TRPM3: variants seen among roughly 807,000 people sequenced by gnomAD.
TRPM3 encodes long transient receptor potential channel 3.
A neutral mutation model predicts 181.2 loss-of-function variants in TRPM3; 77 were observed. The ratio of observed to expected loss-of-function variants is 0.42; its 90% CI spans 0.35 to 0.51. The LOEUF (loss-of-function observed/expected upper bound fraction) is 0.51, where lower values mean the gene tolerates loss of function less well. Among genes scored for constraint, TRPM3 ranks in the 20% least tolerant of loss-of-function variants. TRPM3 has a pLI of 0.01. For missense variants in TRPM3, 1,759 were observed against 2,196.7 expected (o/e 0.80, Z 3.98); for synonymous variants, 745 against 796.4 (o/e 0.94, Z 1.09).
chr9:71,410,382 G>T (rs1024800952), intron 1 of TRPM3, among the ~76,000 whole-genome samples: 10 of 152,012 alleles, frequency 6.6e-5, no homozygotes, highest in African/African-American at 2.2e-4. Flanking sequence ...AAGAAGTAAA[G>T]AAAGAAGAAT....
At chr9:71,299,346 T>C (rs537165964) in intron 1 of TRPM3, among the ~76,000 whole-genome samples, 1 of 152,308 alleles carries the variant, frequency 6.6e-6, no homozygotes, top group Admixed American at 6.5e-5. Flanking sequence ...AGTGTTGTGG[T>C]AAATGCTAGT....
chr9:71,156,106 C>T (rs2075986850), intron 1 of TRPM3, among the ~76,000 whole-genome samples: 1 of 151,962 alleles, frequency 6.6e-6, no homozygotes, highest in Admixed American at 6.6e-5. Context: ...TATAAATTGC[C>T]ATATTCTAGC....
chr9:70,945,737 G>A (rs962011250), intron 1 of TRPM3, among the ~76,000 whole-genome samples: 2 of 152,146 alleles, frequency 1.3e-5, no homozygotes, highest in African/African-American at 4.8e-5. Flanking sequence ...ATGAGTTCTT[G>A]TCAGTTAGCA....
At chr9:71,088,666 C>G (rs964765734) in intron 1 of TRPM3, among the ~76,000 whole-genome samples, 1 of 151,956 alleles carries the variant, frequency 6.6e-6, no homozygotes, top group East Asian at 1.9e-4. Context: ...ATTTCAAAAG[C>G]GTAATGAGGT....
In TRPM3 at chr9:71,305,450, T is replaced by C. The variant is rs2087197295; in HGVS notation, c.183+141203A>G. On this transcript the variant is annotated intron_variant, in intron 1 of 24. Coordinates refer to the TRPM3 transcript ENST00000357533. ...ACCTAATTTGTGTCAAGCTTGCTGA[T>C]GGCAGCTGCTGTTGGTACTTTTCTC... Among the ~76,000 whole-genome samples, 3 of 152,260 alleles carry C rather than the reference T, an allele frequency of 2.0e-5. No individual in the cohort carries two copies. In the South Asian group the frequency reaches 6.2e-4, roughly 32 times the overall value.
At chr9:70,848,583 G>A (rs951442909) in intron 3 of TRPM3, among the ~76,000 whole-genome samples, 2 of 152,094 alleles carry the variant, frequency 1.3e-5, no homozygotes, top group East Asian at 3.9e-4. Flanking sequence ...GAAGTGGCTG[G>A]AAATAAAGAC....
rs2065427423 is a variant in TRPM3, at chr9:70,681,487, T to A, written c.1345+19A>T. The A allele has an allele frequency of 6.2e-7, 1 of 1,609,630 alleles. No homozygotes were observed. The highest frequency in any genetic ancestry group is 8.5e-7 in the Non-Finnish European group (1 of 1,176,134). On this transcript the variant is annotated intron_variant, in intron 9 of 25. Transcript: ENST00000677713. ...TCGTTTAAATTATTTTCACACTCTC[T>A]GGACACAGACTCTTTTACCTTTGAG...
chr9:70,659,094 G>A (rs577788020), intron 9 of TRPM3, among the ~76,000 whole-genome samples: 57 of 152,136 alleles, frequency 3.7e-4, no homozygotes, highest in African/African-American at 1.3e-3. Context: ...TTAACTTATG[G>A]CAATACAGGT....
chr9:70,565,798 C>G (rs2050434329), intron 22 of TRPM3, among the ~76,000 whole-genome samples: 1 of 152,166 alleles, frequency 6.6e-6, no homozygotes, highest in East Asian at 1.9e-4. Flanking sequence ...TGGGTAGGTT[C>G]AGATTGAGAC....
chr9:70,917,273 T>G (rs1436328019), intron 1 of TRPM3: 3 of 1,469,512 alleles, frequency 2.0e-6, no homozygotes, highest in South Asian at 2.3e-5. Flanking sequence ...CAATTCAGCA[T>G]AGTCAATTAG....
chr9:70,889,257 C>T (rs1022599826), intron 1 of TRPM3, among the ~76,000 whole-genome samples: 1 of 152,208 alleles, frequency 6.6e-6, no homozygotes, highest in Admixed American at 6.5e-5. Flanking sequence ...CTCCTCTCCA[C>T]ATAGCCAGGA....
At chr9:71,298,680 C>T (rs188306899) in intron 1 of TRPM3, among the ~76,000 whole-genome samples, 142 of 152,188 alleles carry the variant, frequency 9.3e-4, no homozygotes, top group Non-Finnish European at 1.8e-3. Context: ...GAGCAAACTG[C>T]AGGTAGCAAC....
intron 1 of TRPM3, among the ~76,000 whole-genome samples, chr9:70,982,435 G>T (rs1363732829): frequency 6.6e-6 from 1 of 152,046 alleles, no homozygotes; most frequent in East Asian, 1.9e-4. Flanking sequence ...CTTCTCTCCT[G>T]GTAGATTAAA....
At chr9:71,354,525 TAA>T (rs1266460750) in intron 1 of TRPM3, among the ~76,000 whole-genome samples, 2 of 152,248 alleles carry the variant, frequency 1.3e-5, no homozygotes, top group Admixed American at 6.5e-5. Flanking sequence ...GACAGAATTT[TAA>T]AAGTTATTTT....
At chr9:70,582,692 C>A (rs185612947) in intron 22 of TRPM3, among the ~76,000 whole-genome samples, 5 of 152,228 alleles carry the variant, frequency 3.3e-5, no homozygotes, top group South Asian at 4.2e-4. Context: ...CACTCAGTAG[C>A]CATATGTGAC....
intron 1 of TRPM3, among the ~76,000 whole-genome samples, chr9:71,184,300 C>T (rs1363444516): frequency 6.6e-6 from 1 of 152,116 alleles, no homozygotes; most frequent in Non-Finnish European, 1.5e-5. Flanking sequence ...TGCAAGAACA[C>T]CACTTTACTC....
intron 22 of TRPM3, among the ~76,000 whole-genome samples, chr9:70,578,189 G>A (rs902767066): frequency 2.1e-4 from 32 of 151,396 alleles, no homozygotes; most frequent in Non-Finnish European, 2.9e-5. Flanking sequence ...TCCCCTTTGC[G>A]CTTTATCACA....
At chr9:70,609,803 C>A (rs1006480303) in intron 19 of TRPM3, among the ~76,000 whole-genome samples, 1 of 152,104 alleles carries the variant, frequency 6.6e-6, no homozygotes, top group Non-Finnish European at 1.5e-5. Context: ...TGCTACGCAG[C>A]TGGTTGTGGA....
intron 1 of TRPM3, among the ~76,000 whole-genome samples, chr9:71,213,042 G>A (rs1262255874): frequency 6.6e-6 from 1 of 152,122 alleles, no homozygotes; most frequent in East Asian, 1.9e-4. Context: ...GAGTTTTATG[G>A]TTGAATAAAT....
Sources: allele counts gnomAD v4.1 joint callset (sites outside exome capture counted in the v4.1 genomes callset), GRCh38; gene constraint gnomAD v4.1.1; transcripts MANE v1.5; gene names NCBI Gene and HGNC (gene_info 2026-07-23, HGNC 2026-07-21).